Variants in GLIS3 observed in about 807,000 individuals in gnomAD.
GLIS3 encodes zinc finger protein GLIS3.
Under a neutral mutation model 78.6 loss-of-function variants are expected in GLIS3, and 53 were observed. The ratio of observed to expected loss-of-function variants is 0.67; its 90% CI spans 0.54 to 0.85. GLIS3 has a LOEUF of 0.85. Ranked by LOEUF, GLIS3 falls within the 40% of genes least tolerant of loss-of-function variation. The probability of loss-of-function intolerance (pLI) is 0.00; values close to 1 mark genes in which losing one functional copy is unlikely to be tolerated. For synonymous variants in GLIS3, 684 were observed against 509.9 expected (o/e 1.34, Z -4.60); for missense variants, 1,703 against 1,231.1 (o/e 1.38, Z -5.74).
chr9:3,992,580 T>C (rs1164174533), intron 4 of GLIS3, among the ~76,000 whole-genome samples: 1 of 152,216 alleles, frequency 6.6e-6, no homozygotes, highest in Non-Finnish European at 1.5e-5. Flanking sequence ...TATGAACAAC[T>C]GTATTTATTT....
chr9:4,121,875 T>G (rs1319178409), intron 3 of GLIS3, among the ~76,000 whole-genome samples: 1 of 152,220 alleles, frequency 6.6e-6, no homozygotes, highest in African/African-American at 2.4e-5. Context: ...ATATGTTGAA[T>G]GAATGTGAAT....
At chr9:4,411,597 C>G in the GLIS3 span, among the ~76,000 whole-genome samples, 1 of 152,164 alleles carries the variant, frequency 6.6e-6, no homozygotes, top group Non-Finnish European at 1.5e-5. Context: ...TCTCATTCTG[C>G]TTTAATCTTC....
chr9:4,160,470 G>A (rs892194898), intron 2 of GLIS3, among the ~76,000 whole-genome samples: 1 of 152,224 alleles, frequency 6.6e-6, no homozygotes. Flanking sequence ...GGCAGGCCTG[G>A]CATAGCTTGA....
intron 4 of GLIS3, among the ~76,000 whole-genome samples, chr9:3,964,088 A>T (rs1407183816): frequency 6.6e-6 from 1 of 152,060 alleles, no homozygotes; most frequent in African/African-American, 2.4e-5. Flanking sequence ...ACACCGAGAG[A>T]GTGCTGGGCT....
intron 2 of GLIS3, among the ~76,000 whole-genome samples, chr9:4,160,592 G>A (rs1835396496): frequency 6.6e-6 from 1 of 152,150 alleles, no homozygotes; most frequent in Admixed American, 6.5e-5. Flanking sequence ...ATGAGTCCAC[G>A]TTAACCCAAG....
At chr9:4,038,367 C>T (rs866201018) in intron 4 of GLIS3, among the ~76,000 whole-genome samples, 1 of 152,112 alleles carries the variant, frequency 6.6e-6, no homozygotes, top group African/African-American at 2.4e-5. Context: ...TGTAGTTTTA[C>T]AACTGAATAA....
chr9:4,350,662 C>G (rs761546283), upstream of GLIS3, among the ~76,000 whole-genome samples: 4 of 152,134 alleles, frequency 2.6e-5, no homozygotes, highest in Non-Finnish European at 5.9e-5. Context: ...AAGACCCCAC[C>G]TTTGGTATTT....
intron 4 of GLIS3, among the ~76,000 whole-genome samples, chr9:4,055,728 CT>C (rs1275565692): frequency 6.6e-6 from 1 of 152,212 alleles, no homozygotes; most frequent in Non-Finnish European, 1.5e-5. Context: ...ACAAAGGCTT[CT>C]GTTTTCCGTG....
chr9:3,947,884 A>G (rs1016946627), intron 4 of GLIS3, among the ~76,000 whole-genome samples: 2 of 152,222 alleles, frequency 1.3e-5, no homozygotes, highest in African/African-American at 4.8e-5. Flanking sequence ...GCTTTTCTCA[A>G]CAAAAAGCCA....
chr9:4,044,876 T>C (rs112799049), intron 4 of GLIS3, among the ~76,000 whole-genome samples: 48 of 152,144 alleles, frequency 3.2e-4, no homozygotes, highest in African/African-American at 5.3e-4. Context: ...CCCAGGATAA[T>C]AGAATGAGTA....
chr9:4,423,361 C>T, the GLIS3 span, among the ~76,000 whole-genome samples: 3 of 152,098 alleles, frequency 2.0e-5, no homozygotes, highest in Non-Finnish European at 2.9e-5. Flanking sequence ...GCTCCCAAGG[C>T]CTCCTGGTGG....
intron 2 of GLIS3, among the ~76,000 whole-genome samples, chr9:4,270,648 C>T (rs1826416104): frequency 6.6e-6 from 1 of 152,194 alleles, no homozygotes; most frequent in East Asian, 1.9e-4. Context: ...ACCAAGAAGA[C>T]AATACAGTCT....
intron 2 of GLIS3, among the ~76,000 whole-genome samples, chr9:4,271,080 G>A (rs1310415005): frequency 6.6e-6 from 1 of 152,024 alleles, no homozygotes; most frequent in Non-Finnish European, 1.5e-5. Flanking sequence ...TGAAGACAAT[G>A]AGAATGAAGA....
intron 2 of GLIS3, among the ~76,000 whole-genome samples, chr9:4,184,771 G>A (rs1817627536): frequency 6.6e-6 from 1 of 152,174 alleles, no homozygotes; most frequent in Admixed American, 6.5e-5. Context: ...AATATATTAA[G>A]TGCTTTTATG....
the GLIS3 span, among the ~76,000 whole-genome samples, chr9:4,461,699 A>C: frequency 0.046 from 7,064 of 152,240 alleles, 294 homozygotes; most frequent in African/African-American, 0.11. Flanking sequence ...GTAAAGCCTT[A>C]AGAACTATCA....
intron 2 of GLIS3, among the ~76,000 whole-genome samples, chr9:4,258,549 C>G (rs1028794710): frequency 2.6e-5 from 4 of 152,128 alleles, no homozygotes; most frequent in African/African-American, 9.7e-5. Flanking sequence ...GAAAAAGTTA[C>G]TTTAACAAAA....
intron 7 of GLIS3, among the ~76,000 whole-genome samples, chr9:3,880,357 G>C (rs1054683366): frequency 6.6e-6 from 1 of 152,166 alleles, no homozygotes; most frequent in African/African-American, 2.4e-5. Flanking sequence ...ATTTAGATCA[G>C]CTAATTGGTA....
chr9:4,406,835 G>T, the GLIS3 span, among the ~76,000 whole-genome samples: 1 of 152,130 alleles, frequency 6.6e-6, no homozygotes, highest in Non-Finnish European at 1.5e-5. Context: ...CATGTTCATG[G>T]ATTGGAAGAA....
At chr9:4,259,124 T>C (rs764636383) in intron 2 of GLIS3, among the ~76,000 whole-genome samples, 2 of 152,192 alleles carry the variant, frequency 1.3e-5, no homozygotes, top group Non-Finnish European at 2.9e-5. Context: ...GGATCTTATC[T>C]CTTTGTTGCA....
Sources: gnomAD v4.1 joint callset for allele counts (sites outside exome capture counted in the v4.1 genomes callset) on GRCh38, gnomAD v4.1.1 for gene constraint, MANE v1.5 for transcripts, NCBI Gene and HGNC (gene_info 2026-07-23, HGNC 2026-07-21) for gene names.